LDB2: variants seen among roughly 807,000 people sequenced by gnomAD.
LDB2 encodes LIM domain binding 2.
A neutral mutation model predicts 44.3 loss-of-function variants in LDB2; 12 were observed. That is an observed-to-expected ratio of 0.27 (90% CI 0.17 to 0.44). The LOEUF (loss-of-function observed/expected upper bound fraction) is 0.44. Ranked by LOEUF, LDB2 falls within the 20% of genes least tolerant of loss-of-function variation. LDB2 has a pLI of 1.00. For missense variants in LDB2, 344 were observed against 473.5 expected (o/e 0.73, Z 2.54); for synonymous variants, 164 against 174.8 (o/e 0.94, Z 0.49).
chr4:16,829,419 G>A (rs1783654919), intron 1 of LDB2, among the ~76,000 whole-genome samples: 1 of 152,026 alleles, frequency 6.6e-6, no homozygotes, highest in Non-Finnish European at 1.5e-5. Flanking sequence ...GAAAGCAGAA[G>A]AAAACTTTTA....
intron 2 of LDB2, among the ~76,000 whole-genome samples, chr4:16,713,579 G>A (rs1424229259): frequency 6.6e-6 from 1 of 152,136 alleles, no homozygotes; most frequent in Non-Finnish European, 1.5e-5. Context: ...GTGAATCATT[G>A]TGTAGTCTTC....
chr4:16,611,713 A>G (rs142332708), intron 2 of LDB2, among the ~76,000 whole-genome samples: 2,212 of 152,214 alleles, frequency 0.015, 32 homozygotes, highest in South Asian at 0.046. Flanking sequence ...GATTCATAAA[A>G]CAAGTTCTTA....
At chr4:16,897,907 T>C (rs377756364) in intron 1 of LDB2, among the ~76,000 whole-genome samples, 3 of 13,802 alleles carry the variant, frequency 2.2e-4, no homozygotes, top group African/African-American at 7.7e-4. Context: ...TATATATATA[T>C]ATATATATAT....
chr4:16,879,423 T>C (rs968268455), intron 1 of LDB2, among the ~76,000 whole-genome samples: 4 of 152,062 alleles, frequency 2.6e-5, no homozygotes, highest in Non-Finnish European at 5.9e-5. Context: ...GCTGTTAGAA[T>C]TGTTGTCTGG....
At chr4:16,764,871 A>G (rs1367251292) in intron 1 of LDB2, among the ~76,000 whole-genome samples, 1 of 152,194 alleles carries the variant, frequency 6.6e-6, no homozygotes, top group Non-Finnish European at 1.5e-5. Flanking sequence ...TTGATGAAGG[A>G]TCCCATAGAG....
intron 2 of LDB2, among the ~76,000 whole-genome samples, chr4:16,686,765 T>C (rs1418924963): frequency 1.3e-5 from 2 of 152,314 alleles, no homozygotes; most frequent in East Asian, 3.9e-4. Flanking sequence ...GAGGAATTGC[T>C]CAAACTCAGG....
chr4:16,515,180 CAA>C (rs1174505377), intron 5 of LDB2, among the ~76,000 whole-genome samples: 1 of 152,128 alleles, frequency 6.6e-6, no homozygotes, highest in East Asian at 1.9e-4. Flanking sequence ...TGACTGAACA[CAA>C]AACCAGAAAA....
At chr4:16,579,808 C>T (rs972685348) in intron 5 of LDB2, among the ~76,000 whole-genome samples, 4 of 152,210 alleles carry the variant, frequency 2.6e-5, no homozygotes, top group African/African-American at 2.4e-5. Flanking sequence ...AACCATCCAT[C>T]TGCCAAGCAT....
intron 1 of LDB2, among the ~76,000 whole-genome samples, chr4:16,855,688 G>A (rs1401476842): frequency 6.6e-6 from 1 of 152,110 alleles, no homozygotes; most frequent in African/African-American, 2.4e-5. Context: ...CTGCCTATGT[G>A]AGTGTGACAG....
chr4:16,671,191 A>G (rs6449264), intron 2 of LDB2, among the ~76,000 whole-genome samples: 149,378 of 151,992 alleles, frequency 0.98, 73,454 homozygotes, highest in Middle Eastern at 1. Context: ...AAGTGGGGGG[A>G]TATTAAAATC....
intron 2 of LDB2, among the ~76,000 whole-genome samples, chr4:16,710,342 CTTGT>C (rs1212925859): frequency 1.3e-5 from 2 of 152,096 alleles, no homozygotes; most frequent in East Asian, 3.9e-4. Context: ...AGAAAAATGC[CTTGT>C]TTGACAGTCA....
chr4:16,606,532 C>A (rs1168208901), intron 2 of LDB2, among the ~76,000 whole-genome samples: 2 of 152,172 alleles, frequency 1.3e-5, no homozygotes, highest in African/African-American at 2.4e-5. Flanking sequence ...AAGCATGTCC[C>A]TCACAAAGTG....
chr4:16,679,305 G>A (rs1055867095), intron 2 of LDB2, among the ~76,000 whole-genome samples: 1 of 152,094 alleles, frequency 6.6e-6, no homozygotes, highest in African/African-American at 2.4e-5. Context: ...AGGAGGAGGA[G>A]AGGGAGGAAG....
chr4:16,608,829 T>C (rs1236863978), intron 2 of LDB2, among the ~76,000 whole-genome samples: 1 of 152,072 alleles, frequency 6.6e-6, no homozygotes, highest in Non-Finnish European at 1.5e-5. Flanking sequence ...ACACCAGACA[T>C]CTGCTGGACC....
intron 2 of LDB2, among the ~76,000 whole-genome samples, chr4:16,756,500 C>T (rs147229535): frequency 2.3e-3 from 351 of 152,122 alleles, no homozygotes; most frequent in Non-Finnish European, 4.4e-3. Flanking sequence ...TGTTTGAGTA[C>T]GCCAGTGGAC....
At chr4:16,706,944 C>A (rs917969221) in intron 2 of LDB2, among the ~76,000 whole-genome samples, 2 of 152,108 alleles carry the variant, frequency 1.3e-5, no homozygotes, top group African/African-American at 4.8e-5. Context: ...TTACTGACCA[C>A]AATTCTGTAC....
At chr4:16,698,655 T>C (rs908209967) in intron 2 of LDB2, among the ~76,000 whole-genome samples, 14 of 152,228 alleles carry the variant, frequency 9.2e-5, no homozygotes, top group Non-Finnish European at 2.1e-4. Flanking sequence ...GAAAATTTGT[T>C]TTATAATTCA....
chr4:16,795,229 G>T (rs1776516195), intron 1 of LDB2, among the ~76,000 whole-genome samples: 1 of 152,158 alleles, frequency 6.6e-6, no homozygotes, highest in South Asian at 2.1e-4. Flanking sequence ...AGAGAGCCTG[G>T]GGAAGAGAAG....
intron 1 of LDB2, among the ~76,000 whole-genome samples, chr4:16,772,691 A>T (rs1428565067): frequency 6.6e-6 from 1 of 152,242 alleles, no homozygotes; most frequent in African/African-American, 2.4e-5. Context: ...TTTATACGAA[A>T]AATTGCTCAC....
Sources: gnomAD v4.1 joint callset for allele counts (sites outside exome capture counted in the v4.1 genomes callset) on GRCh38, gnomAD v4.1.1 for gene constraint, MANE v1.5 for transcripts, NCBI Gene and HGNC (gene_info 2026-07-23, HGNC 2026-07-21) for gene names.